Variants in LTBP3 observed in about 807,000 individuals in gnomAD.
LTBP3 encodes the protein latent transforming growth factor beta binding protein 3, also known as latent-transforming growth factor beta-binding protein 3.
In LTBP3, 97 loss-of-function variants were observed where a neutral mutation model predicts 159.7. The ratio of observed to expected loss-of-function variants is 0.61; its 90% CI spans 0.52 to 0.72. The LOEUF (loss-of-function observed/expected upper bound fraction) is 0.72. Among genes scored for constraint, LTBP3 ranks in the 30% least tolerant of loss-of-function variants. The pLI is 0.00. For synonymous variants in LTBP3, 824 were observed against 777.1 expected (o/e 1.06, Z -1.00); for missense variants, 1,584 against 1,864.3 (o/e 0.85, Z 2.77).
rs370528185 is a variant in LTBP3 at position 65,551,233 on chromosome 11, G to A, written c.1622-9C>T. 8 of 1,544,094 alleles carry A rather than the reference G, an allele frequency of 5.2e-6. No individual in the cohort carries two copies. Among genetic ancestry groups the A allele is most frequent in the East Asian group, 2.4e-5 (1 of 40,994 alleles). On this transcript the variant is annotated splice_polypyrimidine_tract_variant and intron_variant, in intron 10 of 27. Transcript: ENST00000301873. ...GGGACGGGAGATCAGCTCTGCGGGC[G>A]GCAGTGCACTCTGGTCAGAGACGAT...
In LTBP3 at chr11:65,538,605, C is replaced by G; in HGVS notation, c.*475G>C. 1.3e-6 allele frequency: 2 copies of G among 1,593,896 alleles called. No individual in the cohort carries two copies. Among genetic ancestry groups the G allele is most frequent in the South Asian group, 1.1e-5 (1 of 89,074 alleles). On this transcript the variant is annotated 3_prime_UTR_variant, in exon 28 of 28. Coordinates refer to ENST00000301873, the MANE Select transcript of LTBP3 (RefSeq NM_001130144.3). ...CCCTTCCCGGCTGCGGAGAGCCCGC[C>G]CCACAGATGTATTTATTGTACAAAC...
intron 16 of LTBP3, 30 bp from the exon 17 acceptor site, chr11:65,543,579 A>G (rs200352347): frequency 1.1e-5 from 17 of 1,613,702 alleles, no homozygotes; most frequent in Non-Finnish European, 1.4e-5. Flanking sequence ...TCAGAGGACC[A>G]GGCTGGGTGG....
intron 27 of LTBP3, 23 bp from the exon 28 acceptor site, chr11:65,539,254 C>G: frequency 1.3e-6 from 2 of 1,521,882 alleles, no homozygotes; most frequent in Admixed American, 4.0e-5. Context: ...GCGACAGGTG[C>G]GGCTTCGCTG....
rs1856654516 is a variant in LTBP3 at position 65,552,704 on chromosome 11, T to C, written c.1186+156A>G. 6.6e-6 allele frequency among the ~76,000 whole-genome samples: 1 copy of C among 152,220 alleles called. No homozygotes were observed. Among genetic ancestry groups the C allele is most frequent in the South Asian group, 2.1e-4 (1 of 4,834 alleles). On this transcript the variant is annotated intron_variant, in intron 6 of 27. Transcript: ENST00000301873. The surrounding 1 kb of genome is among the most constrained non-coding windows in gnomAD (Gnocchi z 6.0). ...ATGTGACTGCTAATGGCAGATCTCA[T>C]GTGACCCCGGACCCTGCTGATCCCT...
At chr11:65,543,261 T>C in intron 17 of LTBP3, 37 bp from the exon 18 acceptor site, 1 of 1,613,692 alleles carries the variant, frequency 6.2e-7, no homozygotes, top group Non-Finnish European at 8.5e-7. Context: ...TCTCAGGGGC[T>C]GATCACCAAC....
At chr11:65,544,266 G>C (rs906681771) in intron 16 of LTBP3, 16 of 154,312 alleles carry the variant, frequency 1.0e-4, no homozygotes, top group Admixed American at 8.9e-4. Context: ...TCTTTCCACT[G>C]TTCTCAAGTC....
intron 11 of LTBP3, among the ~76,000 whole-genome samples, chr11:65,549,776 AAG>A (rs1491007407): frequency 6.7e-6 from 1 of 150,136 alleles, no homozygotes; most frequent in African/African-American, 2.4e-5. Flanking sequence ...AAAAAAAAAA[AAG>A]AGCATGGTGG....
chr11:65,551,335 A>C (rs1856605542), intron 10 of LTBP3, 67 bp downstream of exon 10: 2 of 1,580,358 alleles, frequency 1.3e-6, no homozygotes, highest in Non-Finnish European at 1.7e-6. Context: ...GAGTACTTAA[A>C]CTGTGAACTC....
intron 21 of LTBP3, 102 bp from the exon 22 acceptor site, chr11:65,540,716 C>A: frequency 6.4e-7 from 1 of 1,573,976 alleles, no homozygotes. Context: ...GCGGGGCCTA[C>A]AGGAGGGGCG....
rs1324438931 is a variant in LTBP3 at position 65,557,750 on chromosome 11, G to C, written c.210C>G (p.Ile70Met). The C allele has an allele frequency of 6.2e-7, 1 of 1,605,020 alleles. No homozygotes were observed. Among genetic ancestry groups the C allele is most frequent in the East Asian group, 2.2e-5 (1 of 44,852 alleles). The change falls in exon 1 of 28, where the codon ATC becomes ATG. Residue 70 changes from isoleucine (I) to methionine (M), a missense_variant. Physicochemically the swap from Ile to Met is conservative, Grantham distance 10 (BLOSUM62 1). Coordinates refer to ENST00000301873, the MANE Select transcript of LTBP3 (RefSeq NM_001130144.3). ...ERFKVVFAPVICKRTCLKGQC... is the reference protein window; with the variant it reads ...ERFKVVFAPVMCKRTCLKGQC... ...GGCCCTTGAGACAGGTCCGCTTGCA[G>C]ATCACCGGCGCAAAGACCACCTTGA...
In LTBP3 at chr11:65,547,361, A is replaced by G; in HGVS notation, c.2107+78T>C. ...TCCGTCTCGGGGGAAAAAAAAAAAA[A>G]TGCAGGCACCCCAGCCCCACCCCAG... is the stretch of plus-strand genomic sequence containing the variant. On this transcript the variant is annotated intron_variant, in intron 14 of 27. Transcript: ENST00000301873. The surrounding 1 kb of genome is among the most constrained non-coding windows in gnomAD (Gnocchi z 4.6). 1 of 1,501,712 alleles carries G rather than the reference A, an allele frequency of 6.7e-7. No homozygotes were observed. The highest frequency in any genetic ancestry group is 1.4e-5 in the African/African-American group (1 of 70,538). The allele number at this position is 1,501,712 out of a possible 1,614,324, so 93.0% of individuals were successfully genotyped here. A position where few individuals can be genotyped will look rare whatever the true frequency, so the allele number is the denominator to read the frequency against.
rs1357456931 is a variant in LTBP3 at position 65,539,353 on chromosome 11, G to A, written c.3735C>T (p.Leu1245=). The change falls in exon 27 of 28, where the codon CTC becomes CTT. Residue 1245 remains leucine, a synonymous_variant. Transcript: ENST00000301873. The part of the protein sequence containing the change: ...AVCECPGGFQ[L]DASRARCVDI... ...CCACGCAGCGGGCGCGGGAGGCGTC[G>A]AGCTGGAAGCCGCCGGGACACTCGC... 9 of 1,531,946 alleles carry A rather than the reference G, an allele frequency of 5.9e-6. No homozygotes were observed. The highest frequency in any genetic ancestry group is 2.0e-5 in the Admixed American group (1 of 50,086). 94.9% of individuals were successfully genotyped at this position (1,531,946 alleles called of 1,614,324 possible). A position where few individuals can be genotyped will look rare whatever the true frequency, so the allele number is the denominator to read the frequency against.
In LTBP3 at chr11:65,551,529, T is replaced by C. The variant is rs1856613285; in HGVS notation, c.1548+19A>G. ...GTCCCTCGCCTGCCCACCCCTCCCA[T>C]CTGGGTTCTCATACTCACTGAGTCC... On this transcript the variant is annotated intron_variant, in intron 9 of 27. Transcript: ENST00000301873. The C allele has an allele frequency of 1.2e-6, 2 of 1,613,872 alleles. No homozygotes were observed. The highest frequency in any genetic ancestry group is 1.7e-5 in the Admixed American group (1 of 59,984).
At chr11:65,540,778 G>T (rs933149139) in intron 21 of LTBP3, 93 bp downstream of exon 21, 2 of 1,494,836 alleles carry the variant, frequency 1.3e-6, no homozygotes, top group Non-Finnish European at 1.8e-6. Flanking sequence ...CTTACCCGGC[G>T]CGGGCAGCTG....
In LTBP3 at chr11:65,547,635, G is replaced by A; in HGVS notation, c.1978+55C>T. On this transcript the variant is annotated intron_variant, in intron 13 of 27. Coordinates refer to ENST00000301873, the MANE Select transcript of LTBP3 (RefSeq NM_001130144.3). This position sits in a 1 kb window ranked among gnomAD's most constrained non-coding sequence, Gnocchi z 4.6. ...CGGGCAAGGGGAGGGATTACACGGC[G>A]GTCTGGAGGAGAGCCCGTCCCACCC... 7 of 1,608,624 alleles carry A rather than the reference G, an allele frequency of 4.4e-6. No homozygotes were observed. Among genetic ancestry groups the A allele is most frequent in the African/African-American group, 1.3e-5 (1 of 74,968 alleles).
chr11:65,554,467 C>T lies in LTBP3; in HGVS notation c.332-87G>A. The T allele has an allele frequency of 2.6e-6, 3 of 1,145,888 alleles. No homozygotes were observed. The highest frequency in any genetic ancestry group is 3.7e-6 in the Non-Finnish European group (3 of 807,400). 71.0% of individuals were successfully genotyped at this position (1,145,888 alleles called of 1,614,324 possible). A position where few individuals can be genotyped will look rare whatever the true frequency, so the allele number is the denominator to read the frequency against. On this transcript the variant is annotated intron_variant, in intron 1 of 27. Transcript: ENST00000301873. The surrounding 1 kb of genome is among the most constrained non-coding windows in gnomAD (Gnocchi z 5.3). Reference sequence around the variant, plus strand: ...TTCCTTGCCACCCACTGGCTCTGTCCTCTTGGGAAGCCAGGTTTTGAGATA... The same window carrying T: ...TTCCTTGCCACCCACTGGCTCTGTCTTCTTGGGAAGCCAGGTTTTGAGATA...
chr11:65,551,052 G>A (rs147421285), intron 11 of LTBP3, 74 bp downstream of exon 11: 4 of 1,217,936 alleles, frequency 3.3e-6, no homozygotes, highest in Non-Finnish European at 3.5e-6. Flanking sequence ...GAATGCCTGG[G>A]GGCGGGAGGG....
chr11:65,551,048 CT>C, intron 11 of LTBP3, 77 bp downstream of exon 11: 1 of 1,202,386 alleles, frequency 8.3e-7, no homozygotes, highest in Non-Finnish European at 1.2e-6. Context: ...TAGGGAATGC[CT>C]GGGGGCGGGA....
At chr11:65,548,157 C>T in intron 11 of LTBP3, 112 bp from the exon 12 acceptor site, 1 of 1,476,552 alleles carries the variant, frequency 6.8e-7, no homozygotes, top group Non-Finnish European at 9.4e-7. Flanking sequence ...TCCTGTACGC[C>T]CATACTCCAA....
Sources: gnomAD v4.1 joint callset for allele counts (sites outside exome capture counted in the v4.1 genomes callset) on GRCh38, gnomAD v4.1.1 for gene constraint, Gnocchi (gnomAD v3.1) non-coding constraint, MANE v1.5 for transcripts, NCBI Gene and HGNC (gene_info 2026-07-23, HGNC 2026-07-21) for gene names.